SLC2A5: variants seen among roughly 807,000 people sequenced by gnomAD.
SLC2A5 encodes the protein solute carrier family 2, facilitated glucose transporter member 5.
In SLC2A5, 56 loss-of-function variants were observed where a neutral mutation model predicts 50.3. That is an observed-to-expected ratio of 1.11 (90% CI 0.90 to 1.39). The LOEUF (loss-of-function observed/expected upper bound fraction) is 1.39, where lower values mean the gene tolerates loss of function less well. SLC2A5 is among the 40% of genes most tolerant of loss of function. SLC2A5 has a pLI of 0.00. For synonymous variants in SLC2A5, 269 were observed against 281.9 expected (o/e 0.95, Z 0.46); for missense variants, 566 against 650.1 (o/e 0.87, Z 1.41).
At chr1:9,064,572 G>A (rs758187894) in intron 1 of SLC2A5, among the ~76,000 whole-genome samples, 1 of 152,050 alleles carries the variant, frequency 6.6e-6, no homozygotes, top group African/African-American at 2.4e-5. Context: ...AAACTTTTTG[G>A]GGGATGTGTA....
In SLC2A5 at chr1:9,086,263, C is replaced by T. The variant is rs1479768234; in HGVS notation, c.-187-1121G>A. Among the ~76,000 whole-genome samples, 5 of 152,172 alleles carry T rather than the reference C, an allele frequency of 3.3e-5. No homozygotes were observed. The South Asian group carries it at 8.3e-4, about 25-fold the overall frequency. On this transcript the variant is annotated intron_variant, in intron 1 of 5. Coordinates refer to the SLC2A5 transcript ENST00000464985. ...ACAGACAAAGTCAATTGACTGAAAC[C>T]ATGGCATTGCAGTAAAGGAAGAGTT... is the stretch of plus-strand genomic sequence containing the variant.
At chr1:9,088,473 C>T (rs1642425826), upstream of SLC2A5, 2 of 152,448 alleles carry the variant, frequency 1.3e-5, no homozygotes, top group East Asian at 1.9e-4. Context: ...CCACATTCTT[C>T]ACCCGTTACC....
At chr1:9,076,006 G>A (rs1352507346) in intron 2 of SLC2A5, among the ~76,000 whole-genome samples, 2 of 150,284 alleles carry the variant, frequency 1.3e-5, no homozygotes, top group East Asian at 3.9e-4. Context: ...CCCAGGCTGG[G>A]GTGCAGTGGC....
chr1:9,061,282 A>AG (rs776670925), intron 1 of SLC2A5, among the ~76,000 whole-genome samples: 1 of 15,696 alleles, frequency 6.4e-5, no homozygotes, highest in African/African-American at 3.5e-4. Context: ...ACCCTGTCTC[A>AG]AAAAAAAAAA....
chr1:9,065,115 G>A (rs894066703), intron 1 of SLC2A5, among the ~76,000 whole-genome samples: 2 of 151,130 alleles, frequency 1.3e-5, no homozygotes, highest in Non-Finnish European at 2.9e-5. Context: ...CTAAACCAGT[G>A]AGAATTCCTA....
intron 1 of SLC2A5, among the ~76,000 whole-genome samples, chr1:9,086,243 CAA>C (rs904596061): frequency 1.3e-5 from 2 of 152,166 alleles, no homozygotes; most frequent in African/African-American, 4.8e-5. Flanking sequence ...GCTACACAGA[CAA>C]AGTCAATTGA....
intron 2 of SLC2A5, among the ~76,000 whole-genome samples, chr1:9,076,827 T>G (rs1642288638): frequency 6.6e-6 from 1 of 151,132 alleles, no homozygotes; most frequent in South Asian, 2.1e-4. Flanking sequence ...CTCACTCTTG[T>G]TGCCCAGACT....
At chr1:9,090,761 C>T (rs1036030599), upstream of SLC2A5, among the ~76,000 whole-genome samples, 1 of 152,352 alleles carries the variant, frequency 6.6e-6, no homozygotes, top group Middle Eastern at 3.4e-3. Flanking sequence ...TGTCCTCCCC[C>T]AGGGGTTTAG....
intron 7 of SLC2A5, 37 bp from the exon 8 acceptor site, chr1:9,039,699 G>A (rs1468914451): frequency 2.0e-6 from 3 of 1,470,804 alleles, no homozygotes; most frequent in African/African-American, 1.5e-5. Flanking sequence ...GCTGCCCGGA[G>A]GAGGCGGCCT....
At chr1:9,044,309 C>A (rs1210327056) in intron 4 of SLC2A5, among the ~76,000 whole-genome samples, 1 of 151,744 alleles carries the variant, frequency 6.6e-6, no homozygotes, top group East Asian at 2.0e-4. Context: ...CCAGCCTGGG[C>A]AACTAAGCAA....
intron 4 of SLC2A5, among the ~76,000 whole-genome samples, chr1:9,046,168 CA>C (rs1208139162): frequency 0.023 from 3,502 of 152,226 alleles, 149 homozygotes; most frequent in African/African-American, 0.08. Flanking sequence ...GGCAGTGAGG[CA>C]CCTGGGAGGG....
At chr1:9,066,245 T>A (rs922181241) in intron 1 of SLC2A5, among the ~76,000 whole-genome samples, 1 of 152,112 alleles carries the variant, frequency 6.6e-6, no homozygotes, top group African/African-American at 2.4e-5. Context: ...TGTTTTTTTT[T>A]TGAGACAGAA....
At chr1:9,067,411 G>A (rs942186013) in intron 1 of SLC2A5, among the ~76,000 whole-genome samples, 3 of 152,152 alleles carry the variant, frequency 2.0e-5, no homozygotes, top group South Asian at 2.1e-4. Context: ...ATTTCCTTTC[G>A]CAATGTGTTA....
chr1:9,047,639 A>T lies in SLC2A5; in HGVS notation c.389T>A (p.Ile130Asn). Residue 130 changes from isoleucine (I) to asparagine (N), a missense_variant, in exon 4 of 12, where the codon ATT becomes AAT. Transcript: ENST00000377424. ...RVATSFELII[I>N]SRLLVGICAG... Reference sequence around the variant, plus strand: ...ACATATTCCCACCAAAAGTCTGGAAATAATGATAAGCTCAAATGATGTGGC... The same window carrying T: ...ACATATTCCCACCAAAAGTCTGGAATTAATGATAAGCTCAAATGATGTGGC... The T allele has an allele frequency of 6.2e-7, 1 of 1,614,092 alleles. No individual in the cohort carries two copies. Among genetic ancestry groups the T allele is most frequent in the Non-Finnish European group, 8.5e-7 (1 of 1,179,954 alleles).
intron 1 of SLC2A5, among the ~76,000 whole-genome samples, chr1:9,064,821 G>A (rs538251257): frequency 6.6e-5 from 10 of 152,248 alleles, no homozygotes; most frequent in East Asian, 1.9e-4. Context: ...GTGGGAGGCC[G>A]AGGTGGGCAG....
intron 3 of SLC2A5, among the ~76,000 whole-genome samples, chr1:9,049,432 T>C (rs1312492156): frequency 2.6e-5 from 4 of 152,108 alleles, no homozygotes; most frequent in Non-Finnish European, 5.9e-5. Flanking sequence ...AGTAAATGAA[T>C]AGACAAACAG....
intron 3 of SLC2A5, among the ~76,000 whole-genome samples, chr1:9,048,497 G>A (rs1348573874): frequency 2.6e-5 from 4 of 152,068 alleles, no homozygotes; most frequent in Non-Finnish European, 1.5e-5. Flanking sequence ...GGGTGACAGA[G>A]CGAGACTCCA....
chr1:9,038,582 T>C (rs1285009617), intron 9 of SLC2A5, 76 bp from the exon 10 acceptor site: 6 of 1,361,240 alleles, frequency 4.4e-6, no homozygotes, highest in South Asian at 3.6e-5. Context: ...CAACCTGCCC[T>C]GGTGGGTGGA....
intron 1 of SLC2A5, among the ~76,000 whole-genome samples, chr1:9,085,612 T>A (rs1642393583): frequency 6.6e-6 from 1 of 152,170 alleles, no homozygotes. Flanking sequence ...TGATGAGGCA[T>A]GTTCGAACCC....
Sources: allele counts gnomAD v4.1 joint callset (sites outside exome capture counted in the v4.1 genomes callset), GRCh38; gene constraint gnomAD v4.1.1; transcripts MANE v1.5; gene names NCBI Gene and HGNC (gene_info 2026-07-23, HGNC 2026-07-21).